The following CDH4 variants were observed in gnomAD, a reference collection of about 807,000 sequenced individuals.
CDH4 encodes the protein cadherin 4.
Under a neutral mutation model 86.0 loss-of-function variants are expected in CDH4, and 33 were observed. That is an observed-to-expected ratio of 0.38 (90% CI 0.29 to 0.51). The LOEUF (loss-of-function observed/expected upper bound fraction) is 0.51. Among genes scored for constraint, CDH4 ranks in the 20% least tolerant of loss-of-function variants. The pLI, the probability that CDH4 is intolerant of heterozygous loss-of-function variation, is 0.86. For missense variants in CDH4, 1,114 were observed against 1,307.4 expected (o/e 0.85, Z 2.28); for synonymous variants, 555 against 549.4 (o/e 1.01, Z -0.14).
At position 61,857,207 on chromosome 20, in the gene CDH4, G is replaced by A. The variant is rs146832021; in HGVS notation, c.877+4309G>A. ...GACACCCTCCATCTTCATGCGTTCC[G>A]CGCTGTCTGGGATGGTGGGCGGCGC... On this transcript the variant is annotated intron_variant, in intron 6 of 15. Coordinates refer to ENST00000614565, the MANE Select transcript of CDH4 (RefSeq NM_001794.5). Among the ~76,000 whole-genome samples the A allele has an allele frequency of 5.6e-4, 85 of 152,356 alleles. No individual in the cohort carries two copies. In the Middle Eastern group the frequency reaches 0.017, roughly 30 times the overall value.
At chr20:61,852,078 G>A (rs1335657092) in intron 5 of CDH4, among the ~76,000 whole-genome samples, 1 of 152,136 alleles carries the variant, frequency 6.6e-6, no homozygotes, top group Non-Finnish European at 1.5e-5. Flanking sequence ...GATGGTTCCT[G>A]TGACGTTCCC....
intron 2 of CDH4, among the ~76,000 whole-genome samples, chr20:61,403,815 A>G (rs1170872793): frequency 6.6e-6 from 1 of 152,120 alleles, no homozygotes; most frequent in Non-Finnish European, 1.5e-5. Context: ...CCAAACTGAG[A>G]GGGGAAATCA....
chr20:61,302,640 C>T (rs2049115633), intron 2 of CDH4, among the ~76,000 whole-genome samples: 3 of 152,170 alleles, frequency 2.0e-5, no homozygotes, highest in South Asian at 2.1e-4. Flanking sequence ...CTGCATGGCC[C>T]GGAGGGATGG....
At chr20:61,788,464 C>T (rs1299274228) in intron 4 of CDH4, among the ~76,000 whole-genome samples, 2 of 152,160 alleles carry the variant, frequency 1.3e-5, no homozygotes, top group African/African-American at 4.8e-5. Flanking sequence ...ACTCATCTTC[C>T]AGGATCCTGG....
intron 2 of CDH4, among the ~76,000 whole-genome samples, chr20:61,283,449 ATGTGTGTGCGTTTGCACGCG>A (rs2084273948): frequency 6.4e-5 from 4 of 62,990 alleles, no homozygotes; most frequent in Non-Finnish European, 1.3e-4. Context: ...GGTGTGTGTG[ATGTGTGTGCGTTTGCACGCG>A]TGTGCTGTGG....
chr20:61,443,744 C>G (rs1270024758), intron 2 of CDH4, among the ~76,000 whole-genome samples: 2 of 152,006 alleles, frequency 1.3e-5, no homozygotes, highest in Non-Finnish European at 2.9e-5. Context: ...GCCTGCAGGA[C>G]CGGGTCTTGC....
At chr20:61,573,554 G>T (rs1002110346) in intron 2 of CDH4, among the ~76,000 whole-genome samples, 1 of 152,174 alleles carries the variant, frequency 6.6e-6, no homozygotes, top group Admixed American at 6.5e-5. Context: ...TTGGTGGAGG[G>T]GGTCGTGTCC....
chr20:61,347,728 C>T (rs932309435), intron 2 of CDH4, among the ~76,000 whole-genome samples: 7 of 152,180 alleles, frequency 4.6e-5, no homozygotes, highest in African/African-American at 1.4e-4. Context: ...GTTTGCGAAG[C>T]GCCAACTCGC....
chr20:61,461,046 GA>G lies in CDH4; in HGVS notation c.169+206110del, dbSNP rs566773139. 1.6e-4 allele frequency among the ~76,000 whole-genome samples: 25 copies of G among 152,166 alleles called. 1 individual carries two copies. Among genetic ancestry groups the G allele is most frequent in the South Asian group, 4.1e-4 (2 of 4,824 alleles). ...CCATTACCAGGGAGAATTTGCTGAA[GA>G]CCAGGTTCCTAATACAGGACTTGGT... On this transcript the variant is annotated intron_variant, in intron 2 of 15. Transcript: ENST00000614565.
At chr20:61,357,204 T>C (rs1177900376) in intron 2 of CDH4, among the ~76,000 whole-genome samples, 2 of 152,234 alleles carry the variant, frequency 1.3e-5, no homozygotes, top group Non-Finnish European at 2.9e-5. Flanking sequence ...CTCCCACACC[T>C]TGGCCCTCGC....
intron 4 of CDH4, among the ~76,000 whole-genome samples, chr20:61,833,703 GAGCAC>G (rs1981730939): frequency 6.6e-6 from 1 of 152,090 alleles, no homozygotes; most frequent in Non-Finnish European, 1.5e-5. Flanking sequence ...ATAACTGACT[GAGCAC>G]AGTACTCAGC....
chr20:61,299,071 A>G (rs2084372424), intron 2 of CDH4, among the ~76,000 whole-genome samples: 1 of 152,068 alleles, frequency 6.6e-6, no homozygotes, highest in Admixed American at 6.6e-5. Flanking sequence ...CATATCTGGA[A>G]AAAAAATGGG....
At chr20:61,881,046 A>G (rs565437155) in intron 7 of CDH4, among the ~76,000 whole-genome samples, 6 of 152,338 alleles carry the variant, frequency 3.9e-5, no homozygotes, top group African/African-American at 1.4e-4. Context: ...TCCTGCCAAG[A>G]GGTCCCTCCC....
intron 2 of CDH4, among the ~76,000 whole-genome samples, chr20:61,389,956 C>T (rs1332447143): frequency 6.7e-6 from 1 of 148,564 alleles, no homozygotes; most frequent in African/African-American, 2.5e-5. Flanking sequence ...CATAGGGTGT[C>T]CATAGTGCCG....
intron 2 of CDH4, among the ~76,000 whole-genome samples, chr20:61,465,225 A>C (rs1271181854): frequency 1.3e-5 from 2 of 152,186 alleles, no homozygotes; most frequent in African/African-American, 4.8e-5. Flanking sequence ...TTATATGAGA[A>C]TAGCTAACCT....
At position 61,811,805 on chromosome 20, in the gene CDH4, G is replaced by C. The variant is rs551732961; in HGVS notation, c.577-32863G>C. On this transcript the variant is annotated intron_variant, in intron 4 of 15. Coordinates refer to ENST00000614565, the MANE Select transcript of CDH4 (RefSeq NM_001794.5). This position sits in a 1 kb window ranked among gnomAD's most constrained non-coding sequence, Gnocchi z 4.4. ...TCCTGCCTCAGCCTCCCATGTAGCTGGTACTACAGGCACACGTCACCATGC... is the reference window on the plus strand; with the variant it reads ...TCCTGCCTCAGCCTCCCATGTAGCTCGTACTACAGGCACACGTCACCATGC... Among the ~76,000 whole-genome samples, 1 of 151,716 alleles carries C rather than the reference G, an allele frequency of 6.6e-6. No homozygotes were observed. Among genetic ancestry groups the C allele is most frequent in the Non-Finnish European group, 1.5e-5 (1 of 67,976 alleles).
At chr20:61,451,490 A>C (rs1191385418) in intron 2 of CDH4, among the ~76,000 whole-genome samples, 1 of 152,224 alleles carries the variant, frequency 6.6e-6, no homozygotes, top group Non-Finnish European at 1.5e-5. Flanking sequence ...CAGGCAAGCT[A>C]ACAGGTTCAA....
At chr20:61,750,950 G>GA (rs1263024057) in intron 3 of CDH4, among the ~76,000 whole-genome samples, 16 of 152,246 alleles carry the variant, frequency 1.1e-4, no homozygotes, top group Admixed American at 3.9e-4. Context: ...ATTTTGTTGA[G>GA]AAAAATTAAA....
At chr20:61,378,389 G>A (rs767312049) in intron 2 of CDH4, among the ~76,000 whole-genome samples, 18 of 152,204 alleles carry the variant, frequency 1.2e-4, no homozygotes, top group Non-Finnish European at 2.2e-4. Flanking sequence ...GAAATGTGTT[G>A]TCTCACAGTT....
Sources: gnomAD v4.1 joint callset for allele counts (sites outside exome capture counted in the v4.1 genomes callset) on GRCh38, gnomAD v4.1.1 for gene constraint, Gnocchi (gnomAD v3.1) non-coding constraint, MANE v1.5 for transcripts, NCBI Gene and HGNC (gene_info 2026-07-23, HGNC 2026-07-21) for gene names.